Variants in KIFAP3 observed in about 807,000 individuals in gnomAD.
KIFAP3 encodes kinesin associated protein 3.
Under a neutral mutation model 106.5 loss-of-function variants are expected in KIFAP3, and 68 were observed. The ratio of observed to expected loss-of-function variants is 0.64; its 90% CI spans 0.53 to 0.78. The LOEUF (loss-of-function observed/expected upper bound fraction) is 0.78. Among genes scored for constraint, KIFAP3 ranks in the 30% least tolerant of loss-of-function variants. The pLI is 0.00. For synonymous variants in KIFAP3, 320 were observed against 311.5 expected, an observed-to-expected ratio of 1.03 and a Z score of -0.29; for missense variants, 780 against 941.8, an observed-to-expected ratio of 0.83 and a Z score of 2.25.
chr1:170,006,805 C>T (rs1247541108), intron 10 of KIFAP3, among the ~76,000 whole-genome samples: 1 of 151,940 alleles, frequency 6.6e-6, no homozygotes, highest in Non-Finnish European at 1.5e-5. Flanking sequence ...AATATCTGGA[C>T]CAACAAAATC....
At chr1:169,963,416 C>T (rs1293837040) in intron 17 of KIFAP3, among the ~76,000 whole-genome samples, 6 of 152,276 alleles carry the variant, frequency 3.9e-5, no homozygotes, top group Admixed American at 1.3e-4. Context: ...AATGAACATG[C>T]ATGTGCATGT....
intron 10 of KIFAP3, among the ~76,000 whole-genome samples, chr1:169,997,910 ACT>A (rs952459711): frequency 1.6e-5 from 2 of 127,750 alleles, no homozygotes; most frequent in African/African-American, 2.9e-5. Flanking sequence ...AAAAAAAAAA[ACT>A]CTGCTGTTCA....
At chr1:169,921,878 T>C in intron 19 of KIFAP3, 97 bp from the exon 20 acceptor site, 1 of 870,848 alleles carries the variant, frequency 1.1e-6, no homozygotes, top group South Asian at 1.5e-5. Flanking sequence ...AAGATTCTCT[T>C]CCTAGCAGGG....
In KIFAP3 at chr1:169,994,098, T is replaced by C. The variant is rs531260367; in HGVS notation, c.1184-1843A>G. On this transcript the variant is annotated intron_variant, in intron 10 of 19. Coordinates refer to ENST00000361580, the MANE Select transcript of KIFAP3 (RefSeq NM_014970.4). ...AATAATTTATTAAACATTTACTATA[T>C]ATCAAGAGCCATGCTAAACAGACTG... is the stretch of plus-strand genomic sequence containing the variant. Among the ~76,000 whole-genome samples the C allele has an allele frequency of 9.9e-5, 15 of 152,052 alleles. No individual in the cohort carries two copies. In the South Asian group the frequency reaches 2.9e-3, roughly 29 times the overall value.
At chr1:169,996,648 C>A (rs1053220349) in intron 10 of KIFAP3, among the ~76,000 whole-genome samples, 6 of 152,132 alleles carry the variant, frequency 3.9e-5, no homozygotes, top group Non-Finnish European at 7.4e-5. Context: ...GTACTTTTAA[C>A]CAAGCCTTCC....
intron 16 of KIFAP3, among the ~76,000 whole-genome samples, chr1:169,976,819 T>G (rs1666239095): frequency 6.6e-6 from 1 of 152,106 alleles, no homozygotes; most frequent in African/African-American, 2.4e-5. Flanking sequence ...CAGGTTCATG[T>G]GATAATCACT....
intron 1 of KIFAP3, among the ~76,000 whole-genome samples, chr1:170,062,226 A>G (rs1671205711): frequency 6.6e-6 from 1 of 151,628 alleles, no homozygotes; most frequent in African/African-American, 2.4e-5. Flanking sequence ...AAAAAAAAAA[A>G]AAAGAAAAAG....
chr1:169,969,575 G>A (rs545175670), intron 17 of KIFAP3, among the ~76,000 whole-genome samples: 1 of 151,938 alleles, frequency 6.6e-6, no homozygotes, highest in Non-Finnish European at 1.5e-5. Flanking sequence ...ATCTGCCCAT[G>A]ATCATAATTA....
intron 3 of KIFAP3, 91 bp from the exon 4 acceptor site, chr1:170,039,379 A>G (rs1669859602): frequency 1.6e-6 from 1 of 638,546 alleles, no homozygotes; most frequent in African/African-American, 1.8e-5. Context: ...AACTCTAGGT[A>G]AACTGGGGAT....
At chr1:170,080,292 G>T (rs1055841187) in intron 1 of KIFAP3, among the ~76,000 whole-genome samples, 4 of 152,092 alleles carry the variant, frequency 2.6e-5, no homozygotes, top group Non-Finnish European at 5.9e-5. Flanking sequence ...GGAAAAGTGT[G>T]TCATGTCTAT....
chr1:169,935,088 TA>T (rs1017421936), intron 19 of KIFAP3, among the ~76,000 whole-genome samples: 27 of 152,250 alleles, frequency 1.8e-4, no homozygotes, highest in African/African-American at 6.3e-4. Context: ...AAATGCTTTT[TA>T]AAAATACTTA....
chr1:169,997,895 G>A (rs1277174998), intron 10 of KIFAP3, among the ~76,000 whole-genome samples: 2 of 32,378 alleles, frequency 6.2e-5, no homozygotes, highest in African/African-American at 1.7e-4. Context: ...AAAAAAAAAG[G>A]ATAAAAAAAA....
intron 19 of KIFAP3, among the ~76,000 whole-genome samples, chr1:169,931,927 A>G (rs559441261): frequency 6.6e-6 from 1 of 152,248 alleles, no homozygotes; most frequent in Admixed American, 6.5e-5. Flanking sequence ...TGAACTGTGT[A>G]TTTTACCCCT....
At chr1:169,976,387 C>T (rs1666221667) in intron 16 of KIFAP3, among the ~76,000 whole-genome samples, 1 of 152,066 alleles carries the variant, frequency 6.6e-6, no homozygotes, top group Admixed American at 6.6e-5. Flanking sequence ...AACTTGTTAA[C>T]TTTAACTCAG....
intron 15 of KIFAP3, among the ~76,000 whole-genome samples, chr1:169,981,501 T>C (rs1460858855): frequency 1.3e-5 from 2 of 152,202 alleles, no homozygotes; most frequent in African/African-American, 4.8e-5. Flanking sequence ...ATGCTAAGCA[T>C]ACTGTTATAA....
At chr1:169,939,731 A>G (rs1319288784) in intron 19 of KIFAP3, among the ~76,000 whole-genome samples, 1 of 152,214 alleles carries the variant, frequency 6.6e-6, no homozygotes, top group Non-Finnish European at 1.5e-5. Context: ...CAAAGGGCTT[A>G]GGAGGAAAAT....
chr1:169,929,731 T>A (rs538636200), intron 19 of KIFAP3, among the ~76,000 whole-genome samples: 1 of 152,256 alleles, frequency 6.6e-6, no homozygotes, highest in African/African-American at 2.4e-5. Flanking sequence ...TTAAAGAATC[T>A]TATTCTTAAT....
At chr1:170,083,379 C>T (rs1354885168) in intron 1 of KIFAP3, among the ~76,000 whole-genome samples, 1 of 152,206 alleles carries the variant, frequency 6.6e-6, no homozygotes, top group Non-Finnish European at 1.5e-5. Flanking sequence ...AAACCAATCT[C>T]ATTCAGCACT....
intron 1 of KIFAP3, among the ~76,000 whole-genome samples, chr1:170,056,094 C>T (rs937666693): frequency 2.6e-5 from 4 of 151,010 alleles, no homozygotes; most frequent in African/African-American, 4.9e-5. Flanking sequence ...GGCAATAGAA[C>T]GAAACTCTGT....
Sources: allele counts gnomAD v4.1 joint callset (sites outside exome capture counted in the v4.1 genomes callset), GRCh38; gene constraint gnomAD v4.1.1; transcripts MANE v1.5; gene names NCBI Gene and HGNC (gene_info 2026-07-23, HGNC 2026-07-21).